Variants in EML6 observed in about 807,000 individuals in gnomAD.
EML6 encodes EMAP like 6, also known as echinoderm microtubule-associated protein-like 6.
EML6 carries 154 observed loss-of-function variants against 240.1 expected under a neutral mutation model. That is an observed-to-expected ratio of 0.64 (90% CI 0.56 to 0.73). The LOEUF is 0.73. Ranked by LOEUF, EML6 falls within the 30% of genes least tolerant of loss-of-function variation. EML6 has a pLI of 0.00. For synonymous variants in EML6, 1,148 were observed against 899.0 expected (o/e 1.28, Z -4.95); for missense variants, 2,964 against 2,474.6 (o/e 1.20, Z -4.20).
intron 2 of EML6, among the ~76,000 whole-genome samples, chr2:54,742,111 C>G (rs1683669436): frequency 6.6e-6 from 1 of 152,178 alleles, no homozygotes; most frequent in African/African-American, 2.4e-5. Context: ...GTTTTAGTCT[C>G]CAGAATTTCT....
intron 2 of EML6, among the ~76,000 whole-genome samples, chr2:54,729,689 G>T (rs570675446): frequency 2.6e-5 from 4 of 152,264 alleles, no homozygotes; most frequent in Non-Finnish European, 5.9e-5. Context: ...CTTATATTGT[G>T]GTCCCTACAA....
At chr2:54,828,492 C>G (rs1405307870) in intron 6 of EML6, among the ~76,000 whole-genome samples, 2 of 152,184 alleles carry the variant, frequency 1.3e-5, no homozygotes, top group Non-Finnish European at 2.9e-5. Flanking sequence ...AAATGGTAAG[C>G]CTTTAGCTTA....
At chr2:54,803,503 T>A (rs1202913248) in intron 2 of EML6, among the ~76,000 whole-genome samples, 1 of 152,190 alleles carries the variant, frequency 6.6e-6, no homozygotes, top group Non-Finnish European at 1.5e-5. Context: ...TTGTTTGTTG[T>A]CACTTCTATT....
Position 54,791,002 on chromosome 2 carries a change from G to A in EML6, c.198-22230G>A, listed in dbSNP as rs138634350. On this transcript the variant is annotated intron_variant, in intron 2 of 41. Coordinates refer to ENST00000356458, the MANE Select transcript of EML6 (RefSeq NM_001039753.4). ...GGCCTCCCAAAGTGCTGGAATTACA[G>A]GCGTGAGCCACCGCGCCCGGCCGGT... Among the ~76,000 whole-genome samples, 860 of 152,208 alleles carry A rather than the reference G, an allele frequency of 5.7e-3. 29 individuals are homozygous for A. The East Asian group carries it at 0.077, about 14-fold the overall frequency.
intron 36 of EML6, 23 bp from the exon 37 acceptor site, chr2:54,963,963 G>T: frequency 6.5e-7 from 1 of 1,540,236 alleles, no homozygotes; most frequent in South Asian, 1.2e-5. Flanking sequence ...GAGCTCAGGT[G>T]ACTTTCCTTT....
chr2:54,955,206 T>G (rs1676175125), intron 32 of EML6, among the ~76,000 whole-genome samples: 1 of 152,180 alleles, frequency 6.6e-6, no homozygotes, highest in Non-Finnish European at 1.5e-5. Flanking sequence ...ATCCCAGGGG[T>G]GCAGATTCAT....
intron 30 of EML6, among the ~76,000 whole-genome samples, chr2:54,951,551 GAA>G (rs11375657): frequency 1.4e-5 from 2 of 144,710 alleles, no homozygotes; most frequent in Non-Finnish European, 3.0e-5. Flanking sequence ...ATTTCAAAAA[GAA>G]AAAAAAAAAT....
chr2:54,745,633 T>C (rs1284344160), intron 2 of EML6, among the ~76,000 whole-genome samples: 1 of 151,986 alleles, frequency 6.6e-6, no homozygotes, highest in Non-Finnish European at 1.5e-5. Context: ...AAAATAAAAT[T>C]AGCCAGGTGT....
At chr2:54,859,448 C>G in intron 11 of EML6, 86 bp from the exon 12 acceptor site, 1 of 1,042,534 alleles carries the variant, frequency 9.6e-7, no homozygotes. Context: ...AGATTTTACT[C>G]TTCAACATGA....
intron 5 of EML6, among the ~76,000 whole-genome samples, chr2:54,827,129 C>T (rs577295185): frequency 1.2e-4 from 18 of 152,262 alleles, no homozygotes; most frequent in Non-Finnish European, 2.4e-4. Context: ...GCTGAGATGG[C>T]GCCATTGCAT....
intron 17 of EML6, among the ~76,000 whole-genome samples, chr2:54,885,271 C>T (rs377054972): frequency 6.6e-6 from 1 of 151,894 alleles, no homozygotes; most frequent in South Asian, 2.1e-4. Flanking sequence ...ATGGTAAAAC[C>T]ACCATCTCTA....
intron 28 of EML6, among the ~76,000 whole-genome samples, chr2:54,931,095 C>A (rs1031982048): frequency 6.6e-6 from 1 of 151,252 alleles, no homozygotes. Context: ...GTAGCTGGGA[C>A]TACAGGCGCC....
At chr2:54,885,044 C>G (rs935667377) in intron 17 of EML6, among the ~76,000 whole-genome samples, 1 of 152,086 alleles carries the variant, frequency 6.6e-6, no homozygotes, top group Admixed American at 6.5e-5. Flanking sequence ...GTAGTCCCAG[C>G]TGCTTGGGAG....
Position 54,954,040 on chromosome 2 carries a change from T to C in EML6, c.4370T>C (p.Leu1457Pro). 6.4e-7 allele frequency: 1 copy of C among 1,552,066 alleles called. No homozygotes were observed. Among genetic ancestry groups the C allele is most frequent in the Non-Finnish European group, 8.7e-7 (1 of 1,147,044 alleles). Reference sequence around the variant, plus strand: ...ATGACCAAACACACCCTCTCCATGCTGCGGTGCTTCCACTCCAAGGGGGTG... The same window carrying C: ...ATGACCAAACACACCCTCTCCATGCCGCGGTGCTTCCACTCCAAGGGGGTG... ...DAMTKHTLSM[L>P]RCFHSKGVNY... is the part of the protein sequence containing the mutation. Residue 1457 changes from leucine to proline, a missense_variant, in exon 32 of 42, where the codon CTG becomes CCG. By Grantham distance (98) the Leu-to-Pro change is moderately conservative. Transcript: ENST00000356458.
intron 19 of EML6, among the ~76,000 whole-genome samples, chr2:54,893,921 G>C (rs1319351881): frequency 6.6e-6 from 1 of 152,268 alleles, no homozygotes; most frequent in East Asian, 1.9e-4. Context: ...GAAGAAGAAA[G>C]AATTTCTGTA....
intron 4 of EML6, among the ~76,000 whole-genome samples, chr2:54,819,535 T>C (rs1014855266): frequency 3.3e-5 from 5 of 152,252 alleles, no homozygotes; most frequent in South Asian, 4.1e-4. Flanking sequence ...CCCAGCACTT[T>C]GAGAGGCCAA....
chr2:54,909,948 C>A (rs36063689), intron 24 of EML6, among the ~76,000 whole-genome samples: 12,099 of 149,916 alleles, frequency 0.081, 612 homozygotes, highest in South Asian at 0.15. Flanking sequence ...CCAAAAAGTT[C>A]TTATTTTGGT....
rs1359171158 is a variant in EML6 at position 54,894,168 on chromosome 2, C to T, written c.2743-747C>T. The stretch of plus-strand genomic sequence containing the variant: ...TAAAAATGCATTAAATTAAAAGTTG[C>T]TAAGAAAGCAGTGAATTACTCAGCT... On this transcript the variant is annotated intron_variant, in intron 19 of 41. Coordinates refer to ENST00000356458, the MANE Select transcript of EML6 (RefSeq NM_001039753.4). Among the ~76,000 whole-genome samples the T allele has an allele frequency of 1.1e-4, 17 of 149,838 alleles. No homozygotes were observed. In the East Asian group the frequency reaches 3.1e-3, roughly 28 times the overall value.
chr2:54,895,436 T>A (rs1172158518), intron 21 of EML6, 36 bp downstream of exon 21: 1 of 1,549,564 alleles, frequency 6.5e-7, no homozygotes, highest in African/African-American at 1.4e-5. Flanking sequence ...GCAGTTCACA[T>A]CAAGGCTGGG....
Sources: allele counts gnomAD v4.1 joint callset (sites outside exome capture counted in the v4.1 genomes callset), GRCh38; gene constraint gnomAD v4.1.1; transcripts MANE v1.5; gene names NCBI Gene and HGNC (gene_info 2026-07-23, HGNC 2026-07-21).